Variants in DTNB observed in about 807,000 individuals in gnomAD.
The protein encoded by DTNB is DTN-B.
A neutral mutation model predicts 90.7 loss-of-function variants in DTNB; 63 were observed. The observed-to-expected ratio is 0.69, with a 90% confidence interval of 0.57 to 0.86. DTNB has a LOEUF of 0.86. DTNB is among the 40% of genes least tolerant of loss of function. DTNB has a pLI of 0.00. For missense variants in DTNB, 744 were observed against 807.1 expected, an observed-to-expected ratio of 0.92 and a Z score of 0.95; for synonymous variants, 277 against 286.7, an observed-to-expected ratio of 0.97 and a Z score of 0.34.
At chr2:25,539,557 A>G (rs2080666952) in intron 8 of DTNB, among the ~76,000 whole-genome samples, 1 of 144,894 alleles carries the variant, frequency 6.9e-6, no homozygotes, top group Non-Finnish European at 1.5e-5. Context: ...TGTCTTTGTC[A>G]TAGGGTTGCA....
intron 10 of DTNB, among the ~76,000 whole-genome samples, chr2:25,474,421 T>C (rs189902592): frequency 5.9e-4 from 90 of 152,358 alleles, no homozygotes; most frequent in Admixed American, 2.0e-3. Context: ...ACAAACTCTA[T>C]TTTTCTCATT....
chr2:25,458,364 C>T (rs572873772), intron 10 of DTNB, among the ~76,000 whole-genome samples: 103 of 151,288 alleles, frequency 6.8e-4, no homozygotes, highest in Non-Finnish European at 1.2e-3. Flanking sequence ...GGCAGCGAGC[C>T]GTACTTTTTT....
chr2:25,499,573 A>G (rs1449292283), intron 9 of DTNB, among the ~76,000 whole-genome samples: 4 of 152,234 alleles, frequency 2.6e-5, no homozygotes, highest in Non-Finnish European at 5.9e-5. Context: ...TTTTTTAAAA[A>G]GTTTGAAAAC....
chr2:25,586,596 G>T (rs1261974048), intron 6 of DTNB, among the ~76,000 whole-genome samples: 1 of 151,968 alleles, frequency 6.6e-6, no homozygotes, highest in Non-Finnish European at 1.5e-5. Context: ...GTCAGTCACT[G>T]GGGATGGAAA....
intron 6 of DTNB, among the ~76,000 whole-genome samples, chr2:25,587,825 T>C (rs2062741330): frequency 6.6e-6 from 1 of 152,102 alleles, no homozygotes; most frequent in Non-Finnish European, 1.5e-5. Context: ...GACCTGATCA[T>C]AATAAAACCC....
intron 16 of DTNB, among the ~76,000 whole-genome samples, chr2:25,392,643 G>A (rs554866638): frequency 5.3e-5 from 8 of 152,188 alleles, no homozygotes; most frequent in African/African-American, 1.9e-4. Context: ...AGAAAACCTA[G>A]AGGAAATGGA....
chr2:25,442,225 T>C (rs1201025853), intron 12 of DTNB, among the ~76,000 whole-genome samples: 1 of 152,212 alleles, frequency 6.6e-6, no homozygotes, highest in Non-Finnish European at 1.5e-5. Flanking sequence ...ATCTGATAGA[T>C]TAACAGAGAA....
chr2:25,551,377 G>A (rs1156635339), intron 8 of DTNB, among the ~76,000 whole-genome samples: 1 of 152,032 alleles, frequency 6.6e-6, no homozygotes, highest in Non-Finnish European at 1.5e-5. Context: ...TTATATTGTT[G>A]TGCTAGGCTT....
At chr2:25,616,695 G>A (rs1351089531) in intron 4 of DTNB, among the ~76,000 whole-genome samples, 1 of 149,040 alleles carries the variant, frequency 6.7e-6, no homozygotes, top group Non-Finnish European at 1.5e-5. Context: ...CACTTTGGGA[G>A]GCCAAAGCTG....
intron 16 of DTNB, among the ~76,000 whole-genome samples, chr2:25,390,863 G>T (rs1443088343): frequency 6.6e-6 from 1 of 151,510 alleles, no homozygotes; most frequent in African/African-American, 2.4e-5. Flanking sequence ...AAACATAGGG[G>T]GAAGGCTTTA....
intron 16 of DTNB, among the ~76,000 whole-genome samples, chr2:25,394,089 C>T (rs912226783): frequency 7.2e-5 from 11 of 152,040 alleles, no homozygotes; most frequent in African/African-American, 2.2e-4. Context: ...AGAAATAAAG[C>T]CAAATACTTA....
chr2:25,533,009 T>C (rs961098137), intron 8 of DTNB, among the ~76,000 whole-genome samples: 5 of 152,168 alleles, frequency 3.3e-5, no homozygotes, highest in Admixed American at 3.3e-4. Context: ...CCTTCTACTA[T>C]TCCCGTCAAC....
chr2:25,534,397 A>C (rs1389142762), intron 8 of DTNB, among the ~76,000 whole-genome samples: 1 of 152,170 alleles, frequency 6.6e-6, no homozygotes, highest in African/African-American at 2.4e-5. Flanking sequence ...TCCTATGTCT[A>C]TCTCTTTCTA....
chr2:25,472,619 C>A (rs568178060), intron 10 of DTNB, among the ~76,000 whole-genome samples: 70 of 152,206 alleles, frequency 4.6e-4, no homozygotes, highest in South Asian at 6.2e-4. Context: ...TGCAGTGGCT[C>A]ATGCCTGTAA....
intron 10 of DTNB, among the ~76,000 whole-genome samples, chr2:25,459,882 A>T (rs1574746568): frequency 6.6e-6 from 1 of 152,138 alleles, no homozygotes; most frequent in East Asian, 1.9e-4. Context: ...ACGAGGTGGG[A>T]GGATCACTTG....
intron 9 of DTNB, among the ~76,000 whole-genome samples, chr2:25,519,180 T>C (rs973966664): frequency 1.3e-5 from 2 of 151,794 alleles, no homozygotes; most frequent in South Asian, 2.1e-4. Flanking sequence ...GTGGGCAACA[T>C]AGCAAGACCC....
chr2:25,404,045 T>A (rs762001713), intron 16 of DTNB, among the ~76,000 whole-genome samples: 6 of 152,182 alleles, frequency 3.9e-5, no homozygotes, highest in Non-Finnish European at 8.8e-5. Context: ...GATAACAATA[T>A]CTACCTCACA....
chr2:25,549,188 TTTA>T (rs1247990001), intron 8 of DTNB, among the ~76,000 whole-genome samples: 1 of 151,906 alleles, frequency 6.6e-6, no homozygotes, highest in Non-Finnish European at 1.5e-5. Flanking sequence ...AGTTTTTCCA[TTTA>T]TTTTGATTAC....
intron 8 of DTNB, among the ~76,000 whole-genome samples, chr2:25,559,963 G>C (rs1375897279): frequency 6.6e-6 from 1 of 152,222 alleles, no homozygotes; most frequent in Admixed American, 6.5e-5. Flanking sequence ...CGTGTCAAGG[G>C]GCCGGGCGTG....
Sources: gnomAD v4.1 joint callset for allele counts (sites outside exome capture counted in the v4.1 genomes callset) on GRCh38, gnomAD v4.1.1 for gene constraint, MANE v1.5 for transcripts, NCBI Gene and HGNC (gene_info 2026-07-23, HGNC 2026-07-21) for gene names.